Variants in ANKRD17 observed in about 807,000 individuals in gnomAD.
ANKRD17 encodes the protein ankyrin repeat domain 17.
A neutral mutation model predicts 229.7 loss-of-function variants in ANKRD17; 19 were observed. The observed-to-expected ratio is 0.08, with a 90% confidence interval of 0.06 to 0.12. The LOEUF (loss-of-function observed/expected upper bound fraction) is 0.12. Among genes scored for constraint, ANKRD17 ranks in the 10% least tolerant of loss-of-function variants. The pLI, the probability that ANKRD17 is intolerant of heterozygous loss-of-function variation, is 1.00. For synonymous variants in ANKRD17, 1,112 were observed against 1,146.1 expected (o/e 0.97, Z 0.60); for missense variants, 2,176 against 3,176.8 (o/e 0.68, Z 7.57).
At chr4:73,238,928 T>C (rs1189514051) in intron 1 of ANKRD17, among the ~76,000 whole-genome samples, 1 of 152,230 alleles carries the variant, frequency 6.6e-6, no homozygotes, top group East Asian at 1.9e-4. Context: ...AAAGTGTAGA[T>C]ACTATGTACC....
Position 73,092,155 on chromosome 4 carries a change from T to G in ANKRD17, c.5473A>C (p.Thr1825Pro). 6.2e-7 allele frequency: 1 copy of G among 1,614,152 alleles called. No individual in the cohort carries two copies. The highest frequency in any genetic ancestry group is 1.1e-5 in the South Asian group (1 of 91,082). The stretch of plus-strand genomic sequence containing the variant: ...ATTAAGGAAGTGTTAGCAGCAGTGG[T>G]GGTAGGTGCTGATGACCCTATTTTG... The part of the protein sequence containing the change: ...NSKIGSSAPT[T>P]TAANTSLMGI... The change falls in exon 29 of 34, where the codon ACC (threonine) becomes CCC (proline). Residue 1825 changes from threonine (T) to proline (P), a missense_variant. By Grantham distance (38) the Thr-to-Pro change is conservative (BLOSUM62 -1). Coordinates refer to ENST00000358602, the MANE Select transcript of ANKRD17 (RefSeq NM_032217.5).
intron 16 of ANKRD17, among the ~76,000 whole-genome samples, chr4:73,130,305 T>C (rs983439085): frequency 2.0e-5 from 3 of 152,200 alleles, no homozygotes; most frequent in Non-Finnish European, 4.4e-5. Flanking sequence ...GCATGTATTT[T>C]AAAGCAGAAT....
chr4:73,174,302 A>T (rs1441301826), intron 2 of ANKRD17, among the ~76,000 whole-genome samples: 3 of 152,236 alleles, frequency 2.0e-5, no homozygotes, highest in African/African-American at 4.8e-5. Flanking sequence ...TAAATGTGAT[A>T]CATCACATAA....
chr4:73,170,146 A>T (rs1489255506), intron 2 of ANKRD17, among the ~76,000 whole-genome samples: 2 of 152,058 alleles, frequency 1.3e-5, no homozygotes, highest in African/African-American at 4.8e-5. Flanking sequence ...TTCAGGCAGC[A>T]CAGCTTAAGG....
At chr4:73,224,881 G>A (rs116292905) in intron 1 of ANKRD17, among the ~76,000 whole-genome samples, 184 of 152,240 alleles carry the variant, frequency 1.2e-3, no homozygotes, top group African/African-American at 4.2e-3. Flanking sequence ...TCTTCCCTGT[G>A]ATAATCTCAT....
intron 1 of ANKRD17, chr4:73,223,122 T>G: frequency 7.2e-7 from 1 of 1,391,424 alleles, no homozygotes. Flanking sequence ...GGAAATGGAA[T>G]GTTCTATTAC....
At chr4:73,169,908 T>A (rs898198262) in intron 2 of ANKRD17, among the ~76,000 whole-genome samples, 1 of 152,102 alleles carries the variant, frequency 6.6e-6, no homozygotes, top group East Asian at 1.9e-4. Context: ...AAATTGTCCA[T>A]CCCAGCAGTC....
rs929695970 is a variant in ANKRD17 at position 73,109,079 on chromosome 4, T to G, written c.4401+4713A>C. ...CTTTGGGAGGCCAAGGCGGGCAGATTGCCTGAGGTCAGGAGTTCGAGACCA... is the reference window on the plus strand; with the variant it reads ...CTTTGGGAGGCCAAGGCGGGCAGATGGCCTGAGGTCAGGAGTTCGAGACCA... On this transcript the variant is annotated intron_variant, in intron 24 of 33. Transcript: ENST00000358602. Among the ~76,000 whole-genome samples, 6 of 152,180 alleles carry G rather than the reference T, an allele frequency of 3.9e-5. 1 individual carries two copies. The highest frequency in any genetic ancestry group is 3.3e-4 in the Admixed American group (5 of 15,292).
Position 73,091,994 on chromosome 4 carries a change from TGGAAAACCA to T in ANKRD17, c.5625_5633del (p.Gly1876_Pro1878del). On this transcript the variant is annotated inframe_deletion, in exon 29 of 34. Coordinates refer to ENST00000358602, the MANE Select transcript of ANKRD17 (RefSeq NM_032217.5). ...GAGGATATGCTAATGGAAGAGAAAC[TGGAAAACCA>T]GGCCTCACATTATTCACTGGGTTCT... 6.2e-7 allele frequency: 1 copy of T among 1,614,188 alleles called. No individual in the cohort carries two copies. The highest frequency in any genetic ancestry group is 2.2e-5 in the East Asian group (1 of 44,882).
chr4:73,177,474 G>C lies in ANKRD17; in HGVS notation c.453C>G (p.Ser151=). The change falls in exon 2 of 34, where the codon TCC becomes TCG. Residue 151 remains serine (S), a synonymous_variant. Coordinates refer to ENST00000358602, the MANE Select transcript of ANKRD17 (RefSeq NM_032217.5). The part of the protein sequence containing the change: ...DLENPMLETA[S]KLLLSGTADG... The stretch of plus-strand genomic sequence containing the variant: ...CAGCAGTACCTGATAAGAGCAACTT[G>C]GAAGCTGTTTCCAGCATTGGATTTT... The C allele has an allele frequency of 6.2e-7, 1 of 1,613,660 alleles. No homozygotes were observed. Among genetic ancestry groups the C allele is most frequent in the Non-Finnish European group, 8.5e-7 (1 of 1,179,748 alleles).
intron 30 of ANKRD17, among the ~76,000 whole-genome samples, chr4:73,084,941 T>C (rs1344852870): frequency 6.6e-6 from 1 of 152,054 alleles, no homozygotes; most frequent in East Asian, 1.9e-4. Flanking sequence ...CCCAGCTCTT[T>C]GGAAGGCAGG....
intron 25 of ANKRD17, among the ~76,000 whole-genome samples, chr4:73,101,904 A>T (rs748557597): frequency 4.6e-5 from 7 of 152,074 alleles, no homozygotes; most frequent in African/African-American, 7.2e-5. Context: ...GGAGGAATTC[A>T]GTCAACAAAA....
At chr4:73,106,176 G>A (rs1386582589) in intron 24 of ANKRD17, among the ~76,000 whole-genome samples, 3 of 152,118 alleles carry the variant, frequency 2.0e-5, no homozygotes, top group South Asian at 2.1e-4. Flanking sequence ...CCTGGGAGAC[G>A]GAGCTTGCAG....
chr4:73,082,660 A>G (rs578219118), intron 30 of ANKRD17, among the ~76,000 whole-genome samples: 184 of 152,344 alleles, frequency 1.2e-3, no homozygotes, highest in African/African-American at 4.2e-3. Context: ...TCAGGAAGAA[A>G]TAGTAGGAAA....
intron 6 of ANKRD17, among the ~76,000 whole-genome samples, chr4:73,153,358 T>C (rs1731251891): frequency 6.6e-6 from 1 of 152,154 alleles, no homozygotes; most frequent in South Asian, 2.1e-4. Flanking sequence ...TCTTAAAAAG[T>C]AAAACACCTT....
At chr4:73,230,026 C>A (rs565160309) in intron 1 of ANKRD17, among the ~76,000 whole-genome samples, 1 of 152,162 alleles carries the variant, frequency 6.6e-6, no homozygotes, top group Non-Finnish European at 1.5e-5. Flanking sequence ...ATAAAAAGCA[C>A]TAAACAGTTT....
chr4:73,172,785 T>C (rs1240566568), intron 2 of ANKRD17, among the ~76,000 whole-genome samples: 6 of 152,236 alleles, frequency 3.9e-5, no homozygotes, highest in Admixed American at 2.0e-4. Context: ...GCAAGCCTCA[T>C]GGTAACCTCA....
chr4:73,208,023 C>T (rs1354801056), intron 1 of ANKRD17, among the ~76,000 whole-genome samples: 1 of 151,940 alleles, frequency 6.6e-6, no homozygotes, highest in Non-Finnish European at 1.5e-5. Context: ...CCCGTTTCCA[C>T]TAAAAATACA....
Position 73,137,509 on chromosome 4 carries a change from A to T in ANKRD17, c.3085+2022T>A, listed in dbSNP as rs16849179. Among the ~76,000 whole-genome samples, 515 of 152,324 alleles carry T rather than the reference A, an allele frequency of 3.4e-3. 3 individuals are homozygous for T. Among genetic ancestry groups the T allele is most frequent in the African/African-American group, 0.012 (481 of 41,578 alleles). On this transcript the variant is annotated intron_variant, in intron 15 of 33. Transcript: ENST00000358602. ...GTAATATACTTTAAACCCCTAAGAAAGAAGTGGAAATCATCATTAAGCAAC... is the reference window on the plus strand; with the variant it reads ...GTAATATACTTTAAACCCCTAAGAATGAAGTGGAAATCATCATTAAGCAAC...
Sources: gnomAD v4.1 joint callset for allele counts (sites outside exome capture counted in the v4.1 genomes callset) on GRCh38, gnomAD v4.1.1 for gene constraint, MANE v1.5 for transcripts, NCBI Gene and HGNC (gene_info 2026-07-23, HGNC 2026-07-21) for gene names.